The following PCDH15 variants were observed in gnomAD, a reference collection of about 807,000 sequenced individuals.
The protein encoded by PCDH15 is protocadherin related 15, also known as protocadherin-15.
PCDH15 carries 129 observed loss-of-function variants against 178.5 expected under a neutral mutation model. That is an observed-to-expected ratio of 0.72 (90% CI 0.63 to 0.84). The LOEUF is 0.84. PCDH15 is among the 40% of genes least tolerant of loss of function. PCDH15 has a pLI of 0.00. For missense variants in PCDH15, 2,230 were observed against 2,099.9 expected (o/e 1.06, Z -1.21); for synonymous variants, 800 against 732.0 (o/e 1.09, Z -1.50).
intron 8 of PCDH15, among the ~76,000 whole-genome samples, chr10:54,242,160 A>C (rs1242123605): frequency 2.8e-5 from 3 of 107,194 alleles, no homozygotes; most frequent in African/African-American, 1.1e-4. Context: ...ATATATATAT[A>C]TATATATATA....
At chr10:55,035,155 A>T (rs60106199) in intron 2 of PCDH15, among the ~76,000 whole-genome samples, 29,099 of 152,194 alleles carry the variant, frequency 0.19, 3,566 homozygotes, top group Non-Finnish European at 0.28. Flanking sequence ...TAAATCTTTT[A>T]AAAAGAACTC....
intron 8 of PCDH15, among the ~76,000 whole-genome samples, chr10:54,281,415 A>C (rs1039102453): frequency 6.6e-6 from 1 of 151,970 alleles, no homozygotes; most frequent in African/African-American, 2.4e-5. Context: ...TTGCTTTCAA[A>C]ATTATTTTTT....
chr10:54,566,031 C>A (rs1239669517), intron 2 of PCDH15, among the ~76,000 whole-genome samples: 5 of 152,178 alleles, frequency 3.3e-5, no homozygotes, highest in African/African-American at 7.2e-5. Flanking sequence ...TTGCAGCGAG[C>A]TGAGATCGTG....
At chr10:53,985,451 T>G (rs2660181) in intron 21 of PCDH15, among the ~76,000 whole-genome samples, 77,903 of 151,868 alleles carry the variant, frequency 0.51, 20,547 homozygotes, top group Middle Eastern at 0.65. Flanking sequence ...TTAAATTATT[T>G]GACTCTGTAG....
chr10:55,115,257 G>A (rs918981133), intron 2 of PCDH15, among the ~76,000 whole-genome samples: 5 of 152,138 alleles, frequency 3.3e-5, no homozygotes, highest in Non-Finnish European at 5.9e-5. Flanking sequence ...TTGCCTTAAA[G>A]TAAAAGACAT....
chr10:54,536,356 C>A (rs907136941), intron 2 of PCDH15, among the ~76,000 whole-genome samples: 14 of 149,654 alleles, frequency 9.4e-5, no homozygotes, highest in Non-Finnish European at 1.9e-4. Flanking sequence ...TAAAATATGT[C>A]TGTTTTTTAA....
chr10:54,121,998 C>G (rs1283970465), intron 15 of PCDH15, among the ~76,000 whole-genome samples: 1 of 107,962 alleles, frequency 9.3e-6, no homozygotes, highest in Non-Finnish European at 2.1e-5. Flanking sequence ...CGGGCAAAGA[C>G]ACATACACAC....
chr10:54,965,391 T>C (rs1371848809), intron 2 of PCDH15, among the ~76,000 whole-genome samples: 1 of 152,106 alleles, frequency 6.6e-6, no homozygotes, highest in Non-Finnish European at 1.5e-5. Flanking sequence ...GATGGTTTTA[T>C]AAAGGGCAGT....
At chr10:54,287,258 C>T (rs960932228) in intron 8 of PCDH15, among the ~76,000 whole-genome samples, 22 of 152,118 alleles carry the variant, frequency 1.4e-4, no homozygotes, top group African/African-American at 5.1e-4. Flanking sequence ...CCAAAGTATG[C>T]ACTTTGTATC....
intron 2 of PCDH15, among the ~76,000 whole-genome samples, chr10:55,039,394 A>G (rs1467907239): frequency 2.0e-5 from 3 of 152,160 alleles, no homozygotes; most frequent in Non-Finnish European, 4.4e-5. Flanking sequence ...ACTGATTTTC[A>G]GGAAAATTTG....
chr10:55,416,999 G>A (rs1289345033), intron 2 of PCDH15, among the ~76,000 whole-genome samples: 1 of 151,776 alleles, frequency 6.6e-6, no homozygotes, highest in African/African-American at 2.4e-5. Flanking sequence ...AAGGGTGTCA[G>A]TAAAAGACTT....
intron 26 of PCDH15, among the ~76,000 whole-genome samples, chr10:53,874,146 T>A (rs1383208548): frequency 6.6e-6 from 1 of 152,180 alleles, no homozygotes; most frequent in Non-Finnish European, 1.5e-5. Flanking sequence ...TTTTTTTTAC[T>A]GACCTGGGTA....
chr10:54,342,753 T>C (rs1942490045), intron 6 of PCDH15, among the ~76,000 whole-genome samples: 1 of 152,188 alleles, frequency 6.6e-6, no homozygotes, highest in South Asian at 2.1e-4. Flanking sequence ...CACAGGGACA[T>C]AGCTGCCCAA....
chr10:55,485,875 G>A lies in PCDH15; in HGVS notation c.-156+141750C>T, dbSNP rs182025512. On this transcript the variant is annotated intron_variant, in intron 2 of 5. Transcript: ENST00000613346. Reference sequence around the variant, plus strand: ...ATGATAAACACTTGCTTTCCTTTTGGGGTCTGGAACTTCGATAACCATAGT... The same window carrying A: ...ATGATAAACACTTGCTTTCCTTTTGAGGTCTGGAACTTCGATAACCATAGT... 2.6e-4 allele frequency among the ~76,000 whole-genome samples: 40 copies of A among 151,708 alleles called. 2 individuals are homozygous for A. Among genetic ancestry groups the A allele is most frequent in the Admixed American group, 2.6e-3 (40 of 15,180 alleles).
At chr10:54,753,149 AG>A (rs1192396294) in intron 1 of PCDH15, among the ~76,000 whole-genome samples, 4 of 152,058 alleles carry the variant, frequency 2.6e-5, no homozygotes, top group Non-Finnish European at 5.9e-5. Context: ...CTAGCACCAG[AG>A]GATGTTGGGT....
At chr10:55,271,830 T>C (rs1842452159) in intron 1 of PCDH15, among the ~76,000 whole-genome samples, 1 of 152,062 alleles carries the variant, frequency 6.6e-6, no homozygotes, top group Admixed American at 6.5e-5. Context: ...AAATTGCCTA[T>C]CAAACATTTT....
chr10:55,580,193 T>C (rs1402605225), intron 2 of PCDH15, among the ~76,000 whole-genome samples: 1 of 152,114 alleles, frequency 6.6e-6, no homozygotes, highest in South Asian at 2.1e-4. Flanking sequence ...CGTGAATTTA[T>C]ATAAATAACA....
At chr10:55,542,501 A>G (rs995660894) in intron 2 of PCDH15, among the ~76,000 whole-genome samples, 3 of 150,842 alleles carry the variant, frequency 2.0e-5, no homozygotes, top group Non-Finnish European at 4.5e-5. Flanking sequence ...AAAATTACAT[A>G]TGTACAGTAT....
At chr10:55,529,479 G>T (rs1469242386) in intron 2 of PCDH15, among the ~76,000 whole-genome samples, 1 of 151,744 alleles carries the variant, frequency 6.6e-6, no homozygotes, top group African/African-American at 2.4e-5. Flanking sequence ...GCCTCCCAAA[G>T]TGCTGGGATT....
Sources: gnomAD v4.1 joint callset for allele counts (sites outside exome capture counted in the v4.1 genomes callset) on GRCh38, gnomAD v4.1.1 for gene constraint, MANE v1.5 for transcripts, NCBI Gene and HGNC (gene_info 2026-07-23, HGNC 2026-07-21) for gene names.